The following GRK3 variants were observed in gnomAD, a reference collection of about 807,000 sequenced individuals.
The protein encoded by GRK3 is adrenergic, beta, receptor kinase 2.
In GRK3, 54 loss-of-function variants were observed where a neutral mutation model predicts 95.7. That is an observed-to-expected ratio of 0.56 (90% CI 0.45 to 0.71). GRK3 has a LOEUF of 0.71. Ranked by LOEUF, GRK3 falls within the 30% of genes least tolerant of loss-of-function variation. The probability of loss-of-function intolerance (pLI) is 0.00; values close to 1 mark genes in which losing one functional copy is unlikely to be tolerated. For synonymous variants in GRK3, 281 were observed against 290.8 expected (o/e 0.97, Z 0.34); for missense variants, 649 against 851.2 (o/e 0.76, Z 2.96).
intron 2 of GRK3, among the ~76,000 whole-genome samples, chr22:25,631,658 G>A (rs988511883): frequency 6.6e-6 from 1 of 152,118 alleles, no homozygotes; most frequent in East Asian, 1.9e-4. Flanking sequence ...TTTGACCAAC[G>A]CATAAAGTGT....
rs2085461177 is a variant in GRK3 at position 25,724,766 on chromosome 22, A to G, written c.*2316A>G. 1 of 152,186 alleles carries G rather than the reference A, an allele frequency of 6.6e-6. No individual in the cohort carries two copies. Among genetic ancestry groups the G allele is most frequent in the Admixed American group, 6.5e-5 (1 of 15,280 alleles). The allele number at this position is 152,186 out of a possible 1,614,324, so 9.4% of individuals were successfully genotyped here. A position where few individuals can be genotyped will look rare whatever the true frequency, so the allele number is the denominator to read the frequency against. On this transcript the variant is annotated 3_prime_UTR_variant, in exon 21 of 21. Coordinates refer to ENST00000324198, the MANE Select transcript of GRK3 (RefSeq NM_005160.4). ...GATGGAGGTGTTTCTGCGACCAGACACAGGATACCGCTGTGTCTGCACCCG... is the reference window on the plus strand; with the variant it reads ...GATGGAGGTGTTTCTGCGACCAGACGCAGGATACCGCTGTGTCTGCACCCG...
At chr22:25,583,474 G>A (rs560208392) in intron 1 of GRK3, among the ~76,000 whole-genome samples, 85 of 151,552 alleles carry the variant, frequency 5.6e-4, no homozygotes, top group Non-Finnish European at 4.3e-4. Context: ...CCTTGCCCAC[G>A]GTCCCTTAGA....
intron 13 of GRK3, among the ~76,000 whole-genome samples, chr22:25,699,984 C>T (rs1324348723): frequency 6.6e-6 from 1 of 152,178 alleles, no homozygotes; most frequent in Admixed American, 6.5e-5. Context: ...AGGCGTGAGC[C>T]CCCGCGCCCG....
chr22:25,700,743 A>G (rs1368750324), intron 13 of GRK3, among the ~76,000 whole-genome samples: 2 of 151,610 alleles, frequency 1.3e-5, no homozygotes, highest in African/African-American at 4.9e-5. Flanking sequence ...TCCCGCCACC[A>G]CTCCCGGCTA....
At chr22:25,610,796 G>A (rs984180177) in intron 2 of GRK3, among the ~76,000 whole-genome samples, 6 of 152,178 alleles carry the variant, frequency 3.9e-5, no homozygotes, top group Admixed American at 3.9e-4. Context: ...ATGTCGTTGT[G>A]TGTATCTGTA....
At chr22:25,720,550 C>T (rs1034713608) in intron 19 of GRK3, among the ~76,000 whole-genome samples, 1 of 138,204 alleles carries the variant, frequency 7.2e-6, no homozygotes, top group Non-Finnish European at 1.5e-5. Context: ...GATCTTGGCT[C>T]ACTGCAACCT....
chr22:25,643,418 C>T (rs2084757698), intron 2 of GRK3, among the ~76,000 whole-genome samples: 1 of 152,234 alleles, frequency 6.6e-6, no homozygotes, highest in Non-Finnish European at 1.5e-5. Context: ...GGATCAGTTA[C>T]AGACCAGTTC....
At chr22:25,644,432 T>C (rs1404938912) in intron 2 of GRK3, among the ~76,000 whole-genome samples, 160 bp from the exon 3 acceptor site, 1 of 151,966 alleles carries the variant, frequency 6.6e-6, no homozygotes, top group Admixed American at 6.6e-5. Context: ...TATTTCCTTC[T>C]AGGAATTAAT....
At chr22:25,585,688 G>T (rs1366443536) in intron 1 of GRK3, among the ~76,000 whole-genome samples, 1 of 152,276 alleles carries the variant, frequency 6.6e-6, no homozygotes, top group African/African-American at 2.4e-5. Context: ...AAACACTGCT[G>T]TGGGTGACTT....
Position 25,565,030 on chromosome 22 carries a change from AG to A in GRK3, c.-10del. 7.0e-7 allele frequency: 1 copy of A among 1,430,892 alleles called. No individual in the cohort carries two copies. Among genetic ancestry groups the A allele is most frequent in the Non-Finnish European group, 9.3e-7 (1 of 1,076,546 alleles). 88.6% of individuals were successfully genotyped at this position (1,430,892 alleles called of 1,614,324 possible). On this transcript the variant is annotated 5_prime_UTR_variant, in exon 1 of 21. Coordinates refer to ENST00000324198, the MANE Select transcript of GRK3 (RefSeq NM_005160.4). ...GAGTAACCGCCGCCGCCGCCGCCAAAGCTCGCCAACATGGCGGACCTGGAGG... is the reference window on the plus strand; with the variant it reads ...GAGTAACCGCCGCCGCCGCCGCCAAACTCGCCAACATGGCGGACCTGGAGG...
intron 1 of GRK3, among the ~76,000 whole-genome samples, chr22:25,567,205 C>G (rs1931522350): frequency 6.6e-6 from 1 of 152,104 alleles, no homozygotes; most frequent in Admixed American, 6.5e-5. Context: ...GTAATTGTTA[C>G]TCTGTTGCTC....
intron 1 of GRK3, among the ~76,000 whole-genome samples, chr22:25,584,181 T>C (rs1932206013): frequency 6.6e-6 from 1 of 152,256 alleles, no homozygotes; most frequent in East Asian, 1.9e-4. Flanking sequence ...CATGTGGTGG[T>C]TCCCCCATTA....
At chr22:25,618,391 T>A (rs963207866) in intron 2 of GRK3, among the ~76,000 whole-genome samples, 2 of 152,362 alleles carry the variant, frequency 1.3e-5, no homozygotes, top group Admixed American at 1.3e-4. Flanking sequence ...TGTCTAATAT[T>A]GATTTAGTCA....
chr22:25,713,439 G>A (rs2085360000), intron 17 of GRK3, among the ~76,000 whole-genome samples: 1 of 152,182 alleles, frequency 6.6e-6, no homozygotes, highest in Non-Finnish European at 1.5e-5. Context: ...CCCCATATTG[G>A]CATGTGGGAT....
chr22:25,677,892 G>T (rs1247466048), intron 8 of GRK3, among the ~76,000 whole-genome samples: 3 of 152,254 alleles, frequency 2.0e-5, no homozygotes, highest in African/African-American at 4.8e-5. Context: ...CATATAACTT[G>T]TCTGCATTTT....
intron 1 of GRK3, among the ~76,000 whole-genome samples, chr22:25,585,529 C>T (rs1000738842): frequency 4.6e-5 from 7 of 152,168 alleles, no homozygotes; most frequent in Non-Finnish European, 1.0e-4. Flanking sequence ...CACAGGCAAG[C>T]TATGAGCTAG....
At chr22:25,718,119 A>G in intron 18 of GRK3, 126 bp from the exon 19 acceptor site, 1 of 1,029,062 alleles carries the variant, frequency 9.7e-7, no homozygotes, top group Non-Finnish European at 1.4e-6. Flanking sequence ...TGACTTCTGT[A>G]ATGCGTTCTA....
chr22:25,670,867 C>T (rs1333048965), intron 6 of GRK3, among the ~76,000 whole-genome samples: 1 of 129,960 alleles, frequency 7.7e-6, no homozygotes, highest in African/African-American at 3.1e-5. Flanking sequence ...GAAACCCCAT[C>T]TCTACTAAAA....
chr22:25,588,196 G>A (rs543939547), intron 1 of GRK3, among the ~76,000 whole-genome samples: 24 of 152,312 alleles, frequency 1.6e-4, no homozygotes, highest in African/African-American at 5.3e-4. Flanking sequence ...TCATTCAGCT[G>A]GTGTCTGTTT....
Sources: gnomAD v4.1 joint callset for allele counts (sites outside exome capture counted in the v4.1 genomes callset) on GRCh38, gnomAD v4.1.1 for gene constraint, MANE v1.5 for transcripts, NCBI Gene and HGNC (gene_info 2026-07-23, HGNC 2026-07-21) for gene names.